Variants in CUX1 observed in about 807,000 individuals in gnomAD.
The protein encoded by CUX1 is protein CASP.
A neutral mutation model predicts 158.8 loss-of-function variants in CUX1; 31 were observed. The ratio of observed to expected loss-of-function variants is 0.20; its 90% CI spans 0.15 to 0.26. The LOEUF is 0.26. Among genes scored for constraint, CUX1 ranks in the 10% least tolerant of loss-of-function variants. The probability of loss-of-function intolerance (pLI) is 1.00; values close to 1 mark genes in which losing one functional copy is unlikely to be tolerated. For synonymous variants in CUX1, 879 were observed against 862.1 expected (o/e 1.02, Z -0.34); for missense variants, 1,589 against 2,014.6 (o/e 0.79, Z 4.04).
At chr7:102,199,966 C>A in intron 16 of CUX1, 105 bp from the exon 17 acceptor site, 1 of 894,272 alleles carries the variant, frequency 1.1e-6, no homozygotes, top group Non-Finnish European at 1.7e-6. Context: ...CTCCTTGTGT[C>A]ACCAGCCCCC....
At position 102,197,223 on chromosome 7, in the gene CUX1, G is replaced by A. The variant is rs200362651; in HGVS notation, c.1812G>A (p.Lys604=). The A allele has an allele frequency of 3.7e-6, 6 of 1,614,110 alleles. No individual in the cohort carries two copies. Among genetic ancestry groups the A allele is most frequent in the Non-Finnish European group, 5.1e-6 (6 of 1,180,058 alleles). The change falls in exon 15 of 24, where the codon AAG becomes AAA. Residue 604 remains lysine (K), a synonymous_variant. Coordinates refer to ENST00000292535, the MANE Select transcript of CUX1 (RefSeq NM_181552.4). ...GGAATAAACTGACTGTTCGTGGCAA[G>A]GAGCCATTTCACAAGATGAAACAGT... ...KPWNKLTVRG[K]EPFHKMKQFL...
At chr7:102,025,675 C>A (rs4727516) in intron 2 of CUX1, among the ~76,000 whole-genome samples, 123,543 of 152,084 alleles carry the variant, frequency 0.81, 50,519 homozygotes, top group East Asian at 0.99. Flanking sequence ...ATTTTTTGTC[C>A]TGGAGCCTGG....
intron 1 of CUX1, among the ~76,000 whole-genome samples, chr7:101,902,860 G>A (rs540172267): frequency 6.6e-5 from 10 of 152,200 alleles, no homozygotes; most frequent in East Asian, 1.9e-4. Context: ...GGCTCTTTCC[G>A]CCTCAGCCTC....
intron 1 of CUX1, among the ~76,000 whole-genome samples, chr7:101,893,325 A>G (rs1801103577): frequency 6.6e-6 from 1 of 151,410 alleles, no homozygotes; most frequent in African/African-American, 2.4e-5. Context: ...TTTACTTTTT[A>G]TTTTTATTAC....
intron 9 of CUX1, among the ~76,000 whole-genome samples, chr7:102,158,906 T>C (rs1790092135): frequency 6.6e-6 from 1 of 152,240 alleles, no homozygotes; most frequent in East Asian, 1.9e-4. Flanking sequence ...TAAACACCCG[T>C]CTTTGTAGCT....
rs555618453 is a variant in CUX1, at chr7:101,959,103, G to A, written c.141+42878G>A. Among the ~76,000 whole-genome samples the A allele has an allele frequency of 1.8e-4, 28 of 151,942 alleles. 1 individual carries two copies. In the South Asian group the frequency reaches 5.7e-3, roughly 31 times the overall value. Reference sequence around the variant, plus strand: ...TCAAATTCCTGGGCTTAAGTGATCCGCCCACTTCGGCCTCCCAAAGGATTA... The same window carrying A: ...TCAAATTCCTGGGCTTAAGTGATCCACCCACTTCGGCCTCCCAAAGGATTA... On this transcript the variant is annotated intron_variant, in intron 2 of 23. Coordinates refer to ENST00000292535, the MANE Select transcript of CUX1 (RefSeq NM_181552.4).
intron 2 of CUX1, among the ~76,000 whole-genome samples, chr7:101,944,793 C>T (rs961187694): frequency 2.6e-5 from 4 of 152,124 alleles, no homozygotes; most frequent in Admixed American, 6.5e-5. Flanking sequence ...GCGGTCACCT[C>T]GGGCCACCCA....
At chr7:102,049,949 G>A (rs1201778906) in intron 3 of CUX1, among the ~76,000 whole-genome samples, 9 of 152,154 alleles carry the variant, frequency 5.9e-5, no homozygotes, top group Admixed American at 2.6e-4. Flanking sequence ...GCGCAGGCAC[G>A]AGGAGGGCTC....
chr7:101,958,621 C>T (rs1241199641), intron 2 of CUX1, among the ~76,000 whole-genome samples: 1 of 151,232 alleles, frequency 6.6e-6, no homozygotes, highest in African/African-American at 2.4e-5. Context: ...GCTGAGATTA[C>T]AGGTGCGCAC....
intron 20 of CUX1, among the ~76,000 whole-genome samples, chr7:102,214,873 T>A (rs1796898380): frequency 6.6e-6 from 1 of 152,272 alleles, no homozygotes; most frequent in Admixed American, 6.5e-5. Flanking sequence ...CGAGTCTGAA[T>A]TGGCAGATGT....
chr7:102,277,928 T>TC, intron 17 of CUX1: 1 of 1,043,594 alleles, frequency 9.6e-7, no homozygotes, highest in African/African-American at 1.6e-5. Flanking sequence ...CCCACCCCTT[T>TC]CCTTGCCCCT....
intron 2 of CUX1, among the ~76,000 whole-genome samples, chr7:101,922,626 C>T (rs984513106): frequency 2.0e-5 from 3 of 152,208 alleles, no homozygotes; most frequent in Admixed American, 1.3e-4. Flanking sequence ...TACTCTCCTT[C>T]TCCTCCTTGT....
chr7:102,037,243 G>A (rs1489152999), intron 3 of CUX1, among the ~76,000 whole-genome samples: 1 of 152,150 alleles, frequency 6.6e-6, no homozygotes. Flanking sequence ...ACCTTACACC[G>A]TGTGGAAACA....
At chr7:101,937,833 G>C (rs1415844382) in intron 2 of CUX1, among the ~76,000 whole-genome samples, 1 of 152,058 alleles carries the variant, frequency 6.6e-6, no homozygotes, top group Non-Finnish European at 1.5e-5. Flanking sequence ...AATATTAGTA[G>C]ATTTCTGCTT....
chr7:102,060,485 T>C (rs1437538005), intron 3 of CUX1, among the ~76,000 whole-genome samples: 1 of 151,978 alleles, frequency 6.6e-6, no homozygotes, highest in Non-Finnish European at 1.5e-5. Context: ...CCCACATTTA[T>C]AATCACAACA....
chr7:101,985,651 C>G (rs1348292397), intron 2 of CUX1, among the ~76,000 whole-genome samples: 1 of 152,206 alleles, frequency 6.6e-6, no homozygotes, highest in Admixed American at 6.5e-5. Context: ...CAAATTCCCA[C>G]ATCTCAGTTT....
chr7:101,894,317 G>T (rs1039023309), intron 1 of CUX1, among the ~76,000 whole-genome samples: 1 of 152,134 alleles, frequency 6.6e-6, no homozygotes, highest in Non-Finnish European at 1.5e-5. Context: ...TTGGTTTTTT[G>T]TTTGTTTGTT....
chr7:101,946,104 A>G (rs1283532048), intron 2 of CUX1, among the ~76,000 whole-genome samples: 16 of 152,298 alleles, frequency 1.1e-4, no homozygotes, highest in Non-Finnish European at 1.8e-4. Flanking sequence ...AGGTGATGGC[A>G]TTCTCTAGTG....
chr7:102,105,757 C>G (rs1554488245), intron 6 of CUX1, among the ~76,000 whole-genome samples: 1 of 152,036 alleles, frequency 6.6e-6, no homozygotes, highest in Admixed American at 6.6e-5. Flanking sequence ...AGGTGATCCA[C>G]CCACCTCAGC....
Sources: allele counts gnomAD v4.1 joint callset (sites outside exome capture counted in the v4.1 genomes callset), GRCh38; gene constraint gnomAD v4.1.1; transcripts MANE v1.5; gene names NCBI Gene and HGNC (gene_info 2026-07-23, HGNC 2026-07-21).